Variants in YWHAQ observed in about 807,000 individuals in gnomAD.
The protein encoded by YWHAQ is 14-3-3 protein theta.
YWHAQ carries 6 observed loss-of-function variants against 28.3 expected under a neutral mutation model. That is an observed-to-expected ratio of 0.21 (90% CI 0.12 to 0.42). YWHAQ has a LOEUF of 0.42. YWHAQ is among the 10% of genes least tolerant of loss of function. The pLI, the probability that YWHAQ is intolerant of heterozygous loss-of-function variation, is 1.00. For missense variants in YWHAQ, 201 were observed against 305.6 expected (o/e 0.66, Z 2.55); for synonymous variants, 143 against 119.1 (o/e 1.20, Z -1.31).
At position 9,600,499 on chromosome 2, in the gene YWHAQ, A is replaced by T. The variant is rs1054482880; in HGVS notation, c.295-8984T>A. 6.6e-5 allele frequency among the ~76,000 whole-genome samples: 10 copies of T among 152,250 alleles called. No individual in the cohort carries two copies. In the East Asian group the frequency reaches 1.5e-3, roughly 24 times the overall value. On this transcript the variant is annotated intron_variant, in intron 2 of 5. Transcript: ENST00000238081. ...AGCGGGCAGATCACCTGAGGTCAGG[A>T]GTTCAAGACCAGCCTGACCAACATG...
intron 2 of YWHAQ, among the ~76,000 whole-genome samples, chr2:9,625,812 AAGAG>A (rs146430143): frequency 1.1e-3 from 172 of 152,300 alleles, no homozygotes; most frequent in African/African-American, 3.9e-3. Flanking sequence ...CAATTTACAG[AAGAG>A]AGAGAGTCTG....
chr2:9,597,888 C>T (rs867839343), intron 2 of YWHAQ, among the ~76,000 whole-genome samples: 12 of 150,620 alleles, frequency 8.0e-5, no homozygotes, highest in South Asian at 4.2e-4. Flanking sequence ...GGCATGATCT[C>T]GGCTCACCGC....
chr2:9,596,172 A>T (rs1365840437), intron 2 of YWHAQ, among the ~76,000 whole-genome samples: 1 of 152,158 alleles, frequency 6.6e-6, no homozygotes, highest in East Asian at 1.9e-4. Context: ...TTGAGAAATA[A>T]TATTAATGCA....
chr2:9,607,997 CGAGCCTGGCCAAATGTTACTAATTTT>C (rs1666869671), intron 2 of YWHAQ, among the ~76,000 whole-genome samples: 1 of 152,004 alleles, frequency 6.6e-6, no homozygotes, highest in Non-Finnish European at 1.5e-5. Context: ...CGTGAGCCAC[CGAGCCTGGCCAAATGTTACTAATTTT>C]AGAGCAATAA....
rs1573010858 is a variant in YWHAQ at position 9,630,200 on chromosome 2, T to G, written c.253A>C (p.Lys85Gln). Residue 85 changes from lysine (K) to glutamine (Q), a missense_variant, in exon 2 of 6, where the codon AAA becomes CAA. Physicochemically the swap from Lys to Gln is moderately conservative, Grantham distance 53. Around this residue, in one of 2 missense-constraint regions of YWHAQ, gnomAD observed 162 missense variants for 213.9 expected, o/e 0.76. Transcript: ENST00000238081. This position sits in a 1 kb window ranked among gnomAD's most constrained non-coding sequence, Gnocchi z 5.6. ...ATGGATCTCAGCTCGGACTCCACTT[T>G]CTCCCGATAGTCCTTAATCAGCTGC... Reference protein sequence around the residue: ...KLQLIKDYREKVESELRSICT... With the variant: ...KLQLIKDYREQVESELRSICT... 1.9e-6 allele frequency: 3 copies of G among 1,613,930 alleles called. No homozygotes were observed. The highest frequency in any genetic ancestry group is 1.7e-6 in the Non-Finnish European group (2 of 1,180,034).
intron 2 of YWHAQ, among the ~76,000 whole-genome samples, chr2:9,621,333 A>G (rs1667139368): frequency 6.6e-6 from 1 of 152,130 alleles, no homozygotes; most frequent in Admixed American, 6.6e-5. Flanking sequence ...AGTGGGGATC[A>G]ATACCGTTCT....
chr2:9,618,761 G>A (rs770061100), intron 2 of YWHAQ, among the ~76,000 whole-genome samples: 64 of 150,052 alleles, frequency 4.3e-4, no homozygotes, highest in Admixed American at 2.0e-4. Context: ...CAATCCTCCC[G>A]TGTTAGCCTC....
At chr2:9,619,089 T>C (rs1667091233) in intron 2 of YWHAQ, among the ~76,000 whole-genome samples, 1 of 152,182 alleles carries the variant, frequency 6.6e-6, no homozygotes, top group South Asian at 2.1e-4. Context: ...GGGCTAAATA[T>C]GTTGCTTTGG....
intron 2 of YWHAQ, among the ~76,000 whole-genome samples, chr2:9,613,905 A>C (rs1036866394): frequency 6.6e-6 from 1 of 152,220 alleles, no homozygotes; most frequent in African/African-American, 2.4e-5. Flanking sequence ...AAGATACCTA[A>C]CAGAAAGATG....
intron 2 of YWHAQ, among the ~76,000 whole-genome samples, chr2:9,611,243 A>G (rs1231256787): frequency 6.6e-6 from 1 of 152,232 alleles, no homozygotes; most frequent in Non-Finnish European, 1.5e-5. Context: ...TTTGAGCAGC[A>G]TCCAACTCTT....
intron 2 of YWHAQ, among the ~76,000 whole-genome samples, chr2:9,622,714 G>A (rs1272723432): frequency 2.6e-5 from 4 of 152,124 alleles, no homozygotes; most frequent in Non-Finnish European, 5.9e-5. Flanking sequence ...TGTTTCATCT[G>A]TATTCCCCCA....
At chr2:9,611,240 A>ATTT (rs1323826134) in intron 2 of YWHAQ, among the ~76,000 whole-genome samples, 11 of 152,230 alleles carry the variant, frequency 7.2e-5, no homozygotes, top group African/African-American at 2.7e-4. Flanking sequence ...ACATTTGAGC[A>ATTT]GCATCCAACT....
At chr2:9,621,676 A>G (rs943868281) in intron 2 of YWHAQ, among the ~76,000 whole-genome samples, 6 of 152,130 alleles carry the variant, frequency 3.9e-5, no homozygotes, top group Admixed American at 2.6e-4. Flanking sequence ...AATGTATAAA[A>G]CCCAAACCCA....
intron 2 of YWHAQ, among the ~76,000 whole-genome samples, chr2:9,624,320 G>C (rs1408089748): frequency 2.0e-5 from 3 of 152,156 alleles, no homozygotes; most frequent in Non-Finnish European, 4.4e-5. Flanking sequence ...GTTTCAGTAA[G>C]GTGAACTGTA....
chr2:9,630,131 T>TC lies in YWHAQ; in HGVS notation c.294+27dup. 2 of 1,592,200 alleles carry TC rather than the reference T, an allele frequency of 1.3e-6. No individual in the cohort carries two copies. The highest frequency in any genetic ancestry group is 8.6e-7 in the Non-Finnish European group (1 of 1,165,496). ...AATGAAAAGCATCTCACAAAAGGCC[T>TC]CCCCTGCTCCCCGCGCCGAGGACTC... On this transcript the variant is annotated intron_variant, in intron 2 of 5. Coordinates refer to ENST00000238081, the MANE Select transcript of YWHAQ (RefSeq NM_006826.4). The surrounding 1 kb of genome is among the most constrained non-coding windows in gnomAD (Gnocchi z 5.6).
chr2:9,593,756 G>T (rs911757120), intron 2 of YWHAQ, among the ~76,000 whole-genome samples: 7 of 151,670 alleles, frequency 4.6e-5, no homozygotes, highest in Non-Finnish European at 7.4e-5. Context: ...TAAACCCCGG[G>T]GGTGGAGGCT....
intron 2 of YWHAQ, among the ~76,000 whole-genome samples, chr2:9,614,235 C>CA (rs1184218277): frequency 6.6e-6 from 1 of 152,210 alleles, no homozygotes; most frequent in Non-Finnish European, 1.5e-5. Context: ...CCAAATCTGT[C>CA]AATCTGCATT....
At position 9,614,760 on chromosome 2, in the gene YWHAQ, G is replaced by A. The variant is rs78863116; in HGVS notation, c.294+15399C>T. 1.2e-3 allele frequency among the ~76,000 whole-genome samples: 185 copies of A among 152,230 alleles called. 1 individual carries two copies. The highest frequency in any genetic ancestry group is 8.3e-3 in the East Asian group (43 of 5,184). On this transcript the variant is annotated intron_variant, in intron 2 of 5. Transcript: ENST00000238081. ...GCCACTACTACGTTATAGAAATTAC[G>A]TCATTATTTGCAGGCTAACTTTTCC...
Position 9,593,923 on chromosome 2 carries a change from T to TACACACACACAC in YWHAQ, c.295-2420_295-2409dup, listed in dbSNP as rs1553372602. 1.2e-3 allele frequency among the ~76,000 whole-genome samples: 168 copies of TACACACACACAC among 135,152 alleles called. 1 individual carries two copies. Among genetic ancestry groups the TACACACACACAC allele is most frequent in the African/African-American group, 1.5e-3 (50 of 34,396 alleles). 88.7% of individuals were successfully genotyped at this position (135,152 alleles called of 152,430 possible). The stretch of plus-strand genomic sequence containing the variant: ...TAAAAAAAATATATATATATATATA[T>TACACACACACAC]ACACACACACACACACACACTTTTT... On this transcript the variant is annotated intron_variant, in intron 2 of 5. Coordinates refer to ENST00000238081, the MANE Select transcript of YWHAQ (RefSeq NM_006826.4).
Sources: gnomAD v4.1 joint callset for allele counts (sites outside exome capture counted in the v4.1 genomes callset) on GRCh38, gnomAD v4.1.1 for gene constraint, gnomAD v4.1.1 regional missense constraint, Gnocchi (gnomAD v3.1) non-coding constraint, MANE v1.5 for transcripts, NCBI Gene and HGNC (gene_info 2026-07-23, HGNC 2026-07-21) for gene names.